Variants in C1orf141 observed in about 807,000 individuals in gnomAD.
C1orf141 encodes chromosome 1 open reading frame 141, also known as uncharacterized protein C1orf141.
A neutral mutation model predicts 23.2 loss-of-function variants in C1orf141; 19 were observed. The ratio of observed to expected loss-of-function variants is 0.82; its 90% CI spans 0.57 to 1.20. The LOEUF is 1.20. C1orf141 is among the 50% of genes most tolerant of loss of function. C1orf141 has a pLI of 0.00. For synonymous variants in C1orf141, 153 were observed against 154.6 expected, an observed-to-expected ratio of 0.99 and a Z score of 0.08; for missense variants, 469 against 455.1, an observed-to-expected ratio of 1.03 and a Z score of -0.28.
At position 67,127,275 on chromosome 1, in the gene C1orf141, GGAA is replaced by G; in HGVS notation, c.-17-21_-17-19del. The G allele has an allele frequency of 7.3e-7, 1 of 1,379,096 alleles. No individual in the cohort carries two copies. Among genetic ancestry groups the G allele is most frequent in the Non-Finnish European group, 1.0e-6 (1 of 979,830 alleles). 85.4% of individuals were successfully genotyped at this position (1,379,096 alleles called of 1,614,324 possible). A position where few individuals can be genotyped will look rare whatever the true frequency, so the allele number is the denominator to read the frequency against. On this transcript the variant is annotated intron_variant, in intron 2 of 7. Transcript: ENST00000684719. ...CTAAATTCCTATTTTAAAATAAGGA[GGAA>G]GAAGAACAAATCAATTCAAATTTAA...
Position 67,093,383 on chromosome 1 carries a change from T to C in C1orf141, c.825A>G (p.Val275=). 1 of 1,613,564 alleles carries C rather than the reference T, an allele frequency of 6.2e-7. No individual in the cohort carries two copies. The highest frequency in any genetic ancestry group is 8.5e-7 in the Non-Finnish European group (1 of 1,179,752). The part of the protein sequence containing the change: ...LFKPQKTMPT[V]QRKDIQIPMS... Reference sequence around the variant, plus strand: ...TAGGGATCTGTATATCTTTTCTCTGTACTGTAGGCATAGTTTTTTGGGGTT... The same window carrying C: ...TAGGGATCTGTATATCTTTTCTCTGCACTGTAGGCATAGTTTTTTGGGGTT... The change falls in exon 8 of 8, where the codon GTA becomes GTG. Residue 275 remains valine (V), a synonymous_variant. Transcript: ENST00000684719.
At chr1:67,125,629 G>T in intron 4 of C1orf141, 123 bp downstream of exon 4, 1 of 934,268 alleles carries the variant, frequency 1.1e-6, no homozygotes, top group Non-Finnish European at 1.7e-6. Flanking sequence ...AACCTGGGAA[G>T]TTGAGGCTGC....
chr1:67,113,341 T>C (rs909690260), intron 5 of C1orf141, among the ~76,000 whole-genome samples: 7 of 151,946 alleles, frequency 4.6e-5, no homozygotes, highest in Admixed American at 1.3e-4. Flanking sequence ...ACACACAAGG[T>C]TCACAATATA....
chr1:67,116,047 T>C (rs536509809), intron 4 of C1orf141, among the ~76,000 whole-genome samples: 6 of 152,334 alleles, frequency 3.9e-5, no homozygotes, highest in Non-Finnish European at 7.4e-5. Context: ...ACTGTAACTG[T>C]TGTCTATAGG....
At chr1:67,136,839 T>A (rs1200977200), upstream of C1orf141, among the ~76,000 whole-genome samples, 1 of 152,206 alleles carries the variant, frequency 6.6e-6, no homozygotes, top group South Asian at 2.1e-4. Flanking sequence ...AAGTATTTTC[T>A]CTTTAATAAC....
In C1orf141 at chr1:67,127,210, C is replaced by T. The variant is rs757949844; in HGVS notation, c.31G>A (p.Val11Ile). 1 of 1,609,276 alleles carries T rather than the reference C, an allele frequency of 6.2e-7. No homozygotes were observed. Among genetic ancestry groups the T allele is most frequent in the Non-Finnish European group, 8.5e-7 (1 of 1,178,224 alleles). The change falls in exon 3 of 8, where the codon GTC (valine) becomes ATC (isoleucine). Residue 11 changes from valine to isoleucine, a missense_variant. Coordinates refer to ENST00000684719, the MANE Select transcript of C1orf141 (RefSeq NM_001276351.2). MAEKILEKLD[V>I]LDKQAEIILA... ...ATTATCTCTGCTTGCTTATCAAGGACATCCAACTTCTCTAGGATTTTTTCT... is the reference window on the plus strand; with the variant it reads ...ATTATCTCTGCTTGCTTATCAAGGATATCCAACTTCTCTAGGATTTTTTCT...
intron 1 of C1orf141, among the ~76,000 whole-genome samples, chr1:67,133,429 T>A (rs1279308692): frequency 6.6e-6 from 1 of 152,236 alleles, no homozygotes. Flanking sequence ...AAATGATTAA[T>A]GTTTACTCAA....
At chr1:67,107,034 T>G (rs1645944313) in intron 5 of C1orf141, among the ~76,000 whole-genome samples, 1 of 152,228 alleles carries the variant, frequency 6.6e-6, no homozygotes, top group Non-Finnish European at 1.5e-5. Context: ...AAAGCAAAAA[T>G]TATAATACTG....
intron 4 of C1orf141, among the ~76,000 whole-genome samples, chr1:67,120,869 C>A (rs1301942010): frequency 6.6e-6 from 1 of 152,180 alleles, no homozygotes; most frequent in African/African-American, 2.4e-5. Flanking sequence ...TGATACTCTA[C>A]CCAGATTGCT....
chr1:67,112,660 T>C (rs1022561472), intron 5 of C1orf141, among the ~76,000 whole-genome samples: 2 of 151,920 alleles, frequency 1.3e-5, no homozygotes, highest in African/African-American at 4.8e-5. Context: ...GTGACCACAC[T>C]GCTGCATTCC....
Position 67,092,975 on chromosome 1 carries a change from T to A in C1orf141, c.*30A>T. On this transcript the variant is annotated 3_prime_UTR_variant, in exon 8 of 8. Transcript: ENST00000684719. ...TTGGAACTTGGATATTTGCTTCTTG[T>A]TACTCAAATATTGCTGCATACATAA... 6.7e-7 allele frequency: 1 copy of A among 1,503,040 alleles called. No individual in the cohort carries two copies. The highest frequency in any genetic ancestry group is 9.0e-7 in the Non-Finnish European group (1 of 1,110,798). 93.1% of individuals were successfully genotyped at this position (1,503,040 alleles called of 1,614,324 possible).
intron 5 of C1orf141, among the ~76,000 whole-genome samples, chr1:67,100,487 C>T (rs1403920741): frequency 6.6e-6 from 1 of 151,914 alleles, no homozygotes; most frequent in Non-Finnish European, 1.5e-5. Flanking sequence ...TTTACATTTC[C>T]AAATCTTATT....
intron 1 of C1orf141, among the ~76,000 whole-genome samples, chr1:67,132,272 C>G (rs2024824): frequency 1.3e-5 from 2 of 152,100 alleles, no homozygotes; most frequent in Non-Finnish European, 2.9e-5. Flanking sequence ...GTAATCCCAG[C>G]ACTTCAGGAA....
At chr1:67,111,568 TA>T in intron 5 of C1orf141, 1 of 1,185,378 alleles carries the variant, frequency 8.4e-7, no homozygotes, top group Non-Finnish European at 1.1e-6. Flanking sequence ...GTATACAAAT[TA>T]CACCTACCTC....
At chr1:67,121,642 T>A (rs1646301487) in intron 4 of C1orf141, 1 of 152,266 alleles carries the variant, frequency 6.6e-6, no homozygotes, top group East Asian at 1.9e-4. Context: ...GGTATGCCAT[T>A]GAATTTTAAG....
chr1:67,114,914 G>A (rs1482871522), intron 5 of C1orf141, among the ~76,000 whole-genome samples: 1 of 152,208 alleles, frequency 6.6e-6, no homozygotes, highest in African/African-American at 2.4e-5. Flanking sequence ...GACCTCAGGG[G>A]ATCCACCCGC....
intron 3 of C1orf141, among the ~76,000 whole-genome samples, chr1:67,126,892 G>T (rs1018398796): frequency 4.6e-5 from 7 of 152,154 alleles, no homozygotes; most frequent in African/African-American, 1.7e-4. Context: ...GTCCATAGCA[G>T]CTTTATTTTA....
At chr1:67,127,640 CGTT>C (rs1216945228) in intron 2 of C1orf141, among the ~76,000 whole-genome samples, 3 of 151,254 alleles carry the variant, frequency 2.0e-5, no homozygotes, top group Non-Finnish European at 2.9e-5. Flanking sequence ...TTAATTTTGT[CGTT>C]GTTGTTGTTG....
intron 5 of C1orf141, among the ~76,000 whole-genome samples, chr1:67,109,923 T>C (rs1010733135): frequency 2.0e-5 from 3 of 151,790 alleles, no homozygotes; most frequent in Non-Finnish European, 2.9e-5. Context: ...TAGTAATAGA[T>C]AGAGAAAAAA....
Sources: gnomAD v4.1 joint callset for allele counts (sites outside exome capture counted in the v4.1 genomes callset) on GRCh38, gnomAD v4.1.1 for gene constraint, MANE v1.5 for transcripts, NCBI Gene and HGNC (gene_info 2026-07-23, HGNC 2026-07-21) for gene names.